The following LHFPL2 variants were observed in gnomAD, a reference collection of about 807,000 sequenced individuals.
The protein encoded by LHFPL2 is LHFPL tetraspan subfamily member 2.
LHFPL2 carries 7 observed loss-of-function variants against 17.5 expected under a neutral mutation model. The observed-to-expected ratio is 0.40, with a 90% CI of 0.23 to 0.75. The LOEUF (loss-of-function observed/expected upper bound fraction) is 0.75. Ranked by LOEUF, LHFPL2 falls within the 30% of genes least tolerant of loss-of-function variation. LHFPL2 has a pLI of 0.37. For missense variants in LHFPL2, 241 were observed against 294.8 expected, an observed-to-expected ratio of 0.82 and a Z score of 1.34; for synonymous variants, 134 against 116.2, an observed-to-expected ratio of 1.15 and a Z score of -0.99.
At chr5:78,545,056 G>A (rs1756230175) in intron 3 of LHFPL2, among the ~76,000 whole-genome samples, 1 of 152,154 alleles carries the variant, frequency 6.6e-6, no homozygotes, top group Admixed American at 6.6e-5. Context: ...CTCCCTTGTA[G>A]GAATTTCAAC....
chr5:78,617,154 G>A (rs1359466915), intron 2 of LHFPL2, among the ~76,000 whole-genome samples: 7 of 152,032 alleles, frequency 4.6e-5, no homozygotes, highest in African/African-American at 1.5e-4. Context: ...TCAGCCTCCT[G>A]AGTAGCTGGG....
At chr5:78,627,930 A>C (rs1745110592) in intron 2 of LHFPL2, among the ~76,000 whole-genome samples, 1 of 152,166 alleles carries the variant, frequency 6.6e-6, no homozygotes, top group South Asian at 2.1e-4. Flanking sequence ...GCAGGAGCTC[A>C]TTTCTCTGGT....
chr5:78,608,800 C>T (rs1387896688), intron 2 of LHFPL2, among the ~76,000 whole-genome samples: 4 of 151,888 alleles, frequency 2.6e-5, no homozygotes, highest in Non-Finnish European at 4.4e-5. Context: ...GGCGCGGTGG[C>T]GGGCGCCTGT....
At chr5:78,609,450 C>CAAA (rs71613975) in intron 2 of LHFPL2, among the ~76,000 whole-genome samples, 434 of 40,090 alleles carry the variant, frequency 0.011, 30 homozygotes, top group Middle Eastern at 0.031. Flanking sequence ...GACTCAGTCT[C>CAAA]AAAAAAAAAA....
intron 2 of LHFPL2, among the ~76,000 whole-genome samples, chr5:78,576,095 A>T (rs1251088236): frequency 6.6e-6 from 1 of 152,128 alleles, no homozygotes; most frequent in Non-Finnish European, 1.5e-5. Flanking sequence ...GGATATCGAG[A>T]CCATCCTGGC....
chr5:78,557,704 C>A (rs1756616237), intron 3 of LHFPL2, among the ~76,000 whole-genome samples: 1 of 152,220 alleles, frequency 6.6e-6, no homozygotes, highest in Non-Finnish European at 1.5e-5. Flanking sequence ...AGGTACGTTT[C>A]CAAGTTCATT....
At chr5:78,600,624 A>C (rs1743979779) in intron 2 of LHFPL2, among the ~76,000 whole-genome samples, 1 of 152,184 alleles carries the variant, frequency 6.6e-6, no homozygotes, top group South Asian at 2.1e-4. Flanking sequence ...GCTACTCAGG[A>C]GGTTGAGACA....
intron 3 of LHFPL2, among the ~76,000 whole-genome samples, chr5:78,562,864 G>C (rs1373495461): frequency 6.6e-6 from 1 of 152,154 alleles, no homozygotes; most frequent in Non-Finnish European, 1.5e-5. Flanking sequence ...GAAGGCTTTG[G>C]CAGAATGAAA....
chr5:78,571,791 G>T (rs1187147651), intron 2 of LHFPL2, among the ~76,000 whole-genome samples: 4 of 152,220 alleles, frequency 2.6e-5, no homozygotes, highest in Admixed American at 1.3e-4. Flanking sequence ...CCCATCATAT[G>T]GATGGATAAG....
At chr5:78,626,945 G>C (rs1289878885) in intron 2 of LHFPL2, among the ~76,000 whole-genome samples, 1 of 152,030 alleles carries the variant, frequency 6.6e-6, no homozygotes, top group Admixed American at 6.6e-5. Flanking sequence ...GCCGGGCATG[G>C]TGGTACGCGC....
intron 3 of LHFPL2, among the ~76,000 whole-genome samples, chr5:78,518,744 T>G (rs926688876): frequency 7.4e-6 from 1 of 135,820 alleles, no homozygotes; most frequent in African/African-American, 2.9e-5. Flanking sequence ...AAGTTCAAGA[T>G]GGTCACAGAA....
At chr5:78,578,922 G>A (rs747622683) in intron 2 of LHFPL2, among the ~76,000 whole-genome samples, 1 of 152,186 alleles carries the variant, frequency 6.6e-6, no homozygotes, top group Non-Finnish European at 1.5e-5. Flanking sequence ...GCTCAGAGAC[G>A]CCAACCAAGT....
intron 4 of LHFPL2, among the ~76,000 whole-genome samples, chr5:78,505,352 TCAAC>T (rs1754900744): frequency 1.3e-5 from 2 of 152,140 alleles, no homozygotes; most frequent in Admixed American, 1.3e-4. Context: ...TGAAGACTAA[TCAAC>T]CTGTGATTTA....
At chr5:78,594,991 A>G (rs1373863057) in intron 2 of LHFPL2, among the ~76,000 whole-genome samples, 2 of 152,224 alleles carry the variant, frequency 1.3e-5, no homozygotes, top group African/African-American at 4.8e-5. Flanking sequence ...TCTGGGGACC[A>G]GCCTGGCTGG....
chr5:78,616,056 T>C (rs1744589285), intron 2 of LHFPL2, among the ~76,000 whole-genome samples: 1 of 152,164 alleles, frequency 6.6e-6, no homozygotes, highest in South Asian at 2.1e-4. Context: ...CTGCCCTCTG[T>C]TCTTCTCCTC....
rs1164154324 is a variant in LHFPL2 at position 78,485,627 on chromosome 5, T to C, written c.*3270A>G. 6.6e-6 allele frequency: 1 copy of C among 152,620 alleles called. No individual in the cohort carries two copies. Among genetic ancestry groups the C allele is most frequent in the Non-Finnish European group, 1.5e-5 (1 of 68,048 alleles). 9.5% of individuals were successfully genotyped at this position (152,620 alleles called of 1,614,324 possible). ...CAGAGAGGTCTGTTCTAAGCCAGAC[T>C]CTTACAGCTAAGGAGGTGTGAGATT... On this transcript the variant is annotated 3_prime_UTR_variant, in exon 5 of 5. Transcript: ENST00000380345.
chr5:78,598,149 A>T (rs751000279), intron 2 of LHFPL2, among the ~76,000 whole-genome samples: 67 of 152,258 alleles, frequency 4.4e-4, no homozygotes, highest in Non-Finnish European at 6.9e-4. Context: ...TCACAGGAGC[A>T]TGAAGGGATA....
chr5:78,552,534 A>T (rs1756474892), intron 3 of LHFPL2, among the ~76,000 whole-genome samples: 1 of 152,208 alleles, frequency 6.6e-6, no homozygotes, highest in South Asian at 2.1e-4. Flanking sequence ...AATAAGGGGG[A>T]AACCTGATGC....
At chr5:78,606,177 A>G (rs1744205946) in intron 2 of LHFPL2, among the ~76,000 whole-genome samples, 1 of 152,148 alleles carries the variant, frequency 6.6e-6, no homozygotes, top group Non-Finnish European at 1.5e-5. Flanking sequence ...GTCCCTAAAC[A>G]TTTGTTTTTT....
Sources: allele counts gnomAD v4.1 joint callset (sites outside exome capture counted in the v4.1 genomes callset), GRCh38; gene constraint gnomAD v4.1.1; transcripts MANE v1.5; gene names NCBI Gene and HGNC (gene_info 2026-07-23, HGNC 2026-07-21).